The following STRN3 variants were observed in gnomAD, a reference collection of about 807,000 sequenced individuals.
STRN3 encodes striatin-3.
STRN3 carries 29 observed loss-of-function variants against 95.6 expected under a neutral mutation model. The observed-to-expected ratio is 0.30, with a 90% CI of 0.23 to 0.41. The LOEUF is 0.41. STRN3 is among the 10% of genes least tolerant of loss of function. The pLI is 1.00. For missense variants in STRN3, 890 were observed against 972.1 expected, an observed-to-expected ratio of 0.92 and a Z score of 1.12; for synonymous variants, 331 against 357.6, an observed-to-expected ratio of 0.93 and a Z score of 0.84.
At chr14:31,004,758 A>G (rs1170498838) in intron 1 of STRN3, among the ~76,000 whole-genome samples, 1 of 152,034 alleles carries the variant, frequency 6.6e-6, no homozygotes, top group Non-Finnish European at 1.5e-5. Flanking sequence ...GGGCAACAAG[A>G]GTGAAACTCC....
intron 17 of STRN3, 38 bp from the exon 18 acceptor site, chr14:30,895,618 ATCT>A: frequency 6.2e-7 from 1 of 1,610,620 alleles, no homozygotes; most frequent in Non-Finnish European, 8.5e-7. Context: ...CTGAGTAACA[ATCT>A]TTTATAAAGT....
chr14:30,940,894 G>A (rs1566447491), intron 5 of STRN3, among the ~76,000 whole-genome samples: 1 of 152,096 alleles, frequency 6.6e-6, no homozygotes. Context: ...GAATGTTTAT[G>A]TCCCTCAGCA....
intron 16 of STRN3, among the ~76,000 whole-genome samples, chr14:30,897,116 T>A (rs1419992240): frequency 6.6e-6 from 1 of 152,228 alleles, no homozygotes; most frequent in African/African-American, 2.4e-5. Context: ...AGAGGCTTTT[T>A]CCAAAATTCT....
intron 16 of STRN3, among the ~76,000 whole-genome samples, chr14:30,896,419 C>T (rs996537008): frequency 6.6e-6 from 1 of 152,092 alleles, no homozygotes; most frequent in Non-Finnish European, 1.5e-5. Context: ...ATCACTTGAA[C>T]CCAGGAGTTC....
chr14:30,965,598 T>C (rs1475341405), intron 1 of STRN3, among the ~76,000 whole-genome samples: 1 of 151,790 alleles, frequency 6.6e-6, no homozygotes, highest in Non-Finnish European at 1.5e-5. Context: ...GGCAGATGGA[T>C]CACCTGAGGT....
intron 8 of STRN3, among the ~76,000 whole-genome samples, chr14:30,924,363 C>G: frequency 7.1e-6 from 1 of 140,202 alleles, no homozygotes; most frequent in Non-Finnish European, 1.5e-5. Flanking sequence ...TCCTGACTCA[C>G]TGCAACCTCC....
rs1037680997 is a variant in STRN3 at position 31,019,947 on chromosome 14, T to G, written c.282+5957A>C. ...ACTGTTGCCCAGGCTGGTCTCCAACTCCTGGGCTCAAGTGATCCTCCCATT... is the reference window on the plus strand; with the variant it reads ...ACTGTTGCCCAGGCTGGTCTCCAACGCCTGGGCTCAAGTGATCCTCCCATT... On this transcript the variant is annotated intron_variant, in intron 1 of 17. Coordinates refer to ENST00000357479, the MANE Select transcript of STRN3 (RefSeq NM_001083893.2). Among the ~76,000 whole-genome samples, 6 of 149,944 alleles carry G rather than the reference T, an allele frequency of 4.0e-5. No individual in the cohort carries two copies. In the Admixed American group the frequency reaches 4.0e-4, roughly 10 times the overall value.
intron 8 of STRN3, among the ~76,000 whole-genome samples, chr14:30,927,620 TAAAAAAA>T (rs113791972): frequency 1.4e-5 from 2 of 146,664 alleles, no homozygotes; most frequent in Non-Finnish European, 3.0e-5. Context: ...TTTATTTCTT[TAAAAAAA>T]AAAAAATTAA....
Position 30,956,144 on chromosome 14 carries a change from T to C in STRN3, c.381A>G (p.Gln127=), listed in dbSNP as rs1879891385. 1.2e-6 allele frequency: 2 copies of C among 1,612,896 alleles called. No individual in the cohort carries two copies. The highest frequency in any genetic ancestry group is 2.7e-5 in the African/African-American group (2 of 74,912). ...RIKMLEYALK[Q]ERAKYHKLKY... The stretch of plus-strand genomic sequence containing the variant: ...ACAAAATGAGGCACACATACCTTTC[T>C]TGTTTTAATGCATACTCTAACATCT... Residue 127 remains glutamine, a synonymous_variant, in exon 2 of 18, where the codon CAA becomes CAG. Transcript: ENST00000357479.
chr14:30,992,936 C>G (rs1882033444), intron 1 of STRN3, among the ~76,000 whole-genome samples: 1 of 152,216 alleles, frequency 6.6e-6, no homozygotes, highest in Admixed American at 6.5e-5. Context: ...GTGATCCTCC[C>G]AACTTCAGCC....
At chr14:30,984,582 A>T (rs1881586756) in intron 1 of STRN3, among the ~76,000 whole-genome samples, 1 of 151,998 alleles carries the variant, frequency 6.6e-6, no homozygotes, top group Non-Finnish European at 1.5e-5. Context: ...GATCGAGAAC[A>T]TCCTGGCCAA....
chr14:31,016,770 C>G (rs1375636951), intron 1 of STRN3, among the ~76,000 whole-genome samples: 2 of 152,084 alleles, frequency 1.3e-5, no homozygotes, highest in Non-Finnish European at 2.9e-5. Flanking sequence ...GTCTCAAACT[C>G]CTGACCTTGT....
At chr14:30,965,036 G>C (rs1880414618) in intron 1 of STRN3, among the ~76,000 whole-genome samples, 2 of 152,162 alleles carry the variant, frequency 1.3e-5, no homozygotes, top group African/African-American at 4.8e-5. Context: ...TGTTCACACA[G>C]AAAACATGTT....
Position 30,947,206 on chromosome 14 carries a change from T to C in STRN3, c.600A>G (p.Val200=), listed in dbSNP as rs1348763733. 1.2e-6 allele frequency: 2 copies of C among 1,612,912 alleles called. No homozygotes were observed. The highest frequency in any genetic ancestry group is 8.5e-7 in the Non-Finnish European group (1 of 1,179,454). Residue 200 remains valine, a synonymous_variant, in exon 5 of 18, where the codon GTA becomes GTG. Transcript: ENST00000357479. ...DTILDVRSQR[V]RSLLGLSNSE... is the part of the protein sequence containing the mutation. ...AATTAGATAGTCCAAGTAATGACCT[T>C]ACCCGCTGAGACCGTACATCTAATA...
chr14:30,960,998 T>C (rs1330933452), intron 1 of STRN3, among the ~76,000 whole-genome samples: 10 of 152,054 alleles, frequency 6.6e-5, no homozygotes, highest in African/African-American at 1.9e-4. Flanking sequence ...GTAATGCTTT[T>C]AGGATATAAC....
At chr14:30,904,923 C>T (rs1345353502) in intron 15 of STRN3, among the ~76,000 whole-genome samples, 2 of 147,606 alleles carry the variant, frequency 1.4e-5, no homozygotes, top group African/African-American at 5.0e-5. Context: ...TCCAGACTGT[C>T]GGAAACTTGA....
intron 1 of STRN3, among the ~76,000 whole-genome samples, chr14:30,972,053 AG>A (rs1880857248): frequency 6.6e-6 from 1 of 152,222 alleles, no homozygotes; most frequent in African/African-American, 2.4e-5. Flanking sequence ...AGGGATTGTT[AG>A]ATATGAGTTC....
intron 15 of STRN3, 33 bp from the exon 16 acceptor site, chr14:30,902,676 T>C (rs762998139): frequency 7.2e-7 from 1 of 1,391,264 alleles, no homozygotes; most frequent in East Asian, 2.4e-5. Context: ...AAGTTAAAAT[T>C]CAAACCTTTA....
chr14:30,917,422 G>C (rs141401562), intron 9 of STRN3, among the ~76,000 whole-genome samples: 2 of 152,092 alleles, frequency 1.3e-5, no homozygotes, highest in East Asian at 3.9e-4. Flanking sequence ...CATTGCTAAC[G>C]TGGCTTTGCC....
Sources: allele counts gnomAD v4.1 joint callset (sites outside exome capture counted in the v4.1 genomes callset), GRCh38; gene constraint gnomAD v4.1.1; transcripts MANE v1.5; gene names NCBI Gene and HGNC (gene_info 2026-07-23, HGNC 2026-07-21).